Variants in ADK observed in about 807,000 individuals in gnomAD.
ADK encodes the protein adenosine kinase.
ADK carries 24 observed loss-of-function variants against 44.7 expected under a neutral mutation model. That is an observed-to-expected ratio of 0.54 (90% CI 0.39 to 0.76). The LOEUF is 0.76. ADK is among the 30% of genes least tolerant of loss of function. ADK has a pLI of 0.00. For synonymous variants in ADK, 128 were observed against 142.6 expected, an observed-to-expected ratio of 0.90 and a Z score of 0.73; for missense variants, 321 against 425.1, an observed-to-expected ratio of 0.76 and a Z score of 2.15.
intron 6 of ADK, among the ~76,000 whole-genome samples, chr10:74,474,870 G>A (rs1276847322): frequency 6.6e-6 from 1 of 152,194 alleles, no homozygotes; most frequent in East Asian, 1.9e-4. Context: ...GCTCACGCCT[G>A]TAATCCCAGC....
At chr10:74,565,053 C>A (rs1408367099) in intron 7 of ADK, among the ~76,000 whole-genome samples, 4 of 152,180 alleles carry the variant, frequency 2.6e-5, no homozygotes, top group African/African-American at 9.7e-5. Flanking sequence ...TTTCCCTATT[C>A]TGTGCCCAAA....
chr10:74,640,051 A>AG (rs1853785656), intron 9 of ADK, among the ~76,000 whole-genome samples: 1 of 152,246 alleles, frequency 6.6e-6, no homozygotes, highest in Non-Finnish European at 1.5e-5. Context: ...AGCATAGACT[A>AG]CTACTGGCTG....
At chr10:74,626,967 T>A (rs1200215401) in intron 9 of ADK, among the ~76,000 whole-genome samples, 1 of 152,228 alleles carries the variant, frequency 6.6e-6, no homozygotes, top group Non-Finnish European at 1.5e-5. Flanking sequence ...TTTCTTGTAG[T>A]AAGATTTATC....
chr10:74,360,263 A>C (rs978612379), intron 4 of ADK, among the ~76,000 whole-genome samples: 1 of 152,078 alleles, frequency 6.6e-6, no homozygotes, highest in African/African-American at 2.4e-5. Flanking sequence ...AAGAACACTG[A>C]TGTTTTTATA....
chr10:74,400,129 T>G (rs147376199), intron 6 of ADK, among the ~76,000 whole-genome samples: 2 of 152,280 alleles, frequency 1.3e-5, no homozygotes, highest in African/African-American at 4.8e-5. Context: ...TTGTACAGCA[T>G]AAAGTGATCA....
intron 10 of ADK, among the ~76,000 whole-genome samples, chr10:74,683,165 T>A (rs1451732294): frequency 7.2e-5 from 11 of 152,126 alleles, no homozygotes; most frequent in African/African-American, 2.2e-4. Flanking sequence ...GCTAGCCAAA[T>A]TGAAGTGGGA....
rs139454584 is a variant in ADK, at chr10:74,550,993, C to T, written c.726+25567C>T. The stretch of plus-strand genomic sequence containing the variant: ...GTTGGATCTACAGGGATGGCATGCA[C>T]CATCATACCCAGCTCTGAACTATTT... On this transcript the variant is annotated intron_variant, in intron 7 of 10. Transcript: ENST00000539909. Among the ~76,000 whole-genome samples the T allele has an allele frequency of 1.3e-3, 195 of 152,210 alleles. 1 individual carries two copies. The highest frequency in any genetic ancestry group is 4.4e-3 in the African/African-American group (183 of 41,526).
intron 10 of ADK, among the ~76,000 whole-genome samples, chr10:74,703,313 C>A (rs1564860961): frequency 6.6e-6 from 1 of 151,874 alleles, no homozygotes; most frequent in South Asian, 2.1e-4. Flanking sequence ...AAAACCCCAT[C>A]TACTAAAAGT....
At chr10:74,607,052 C>A (rs532477245) in intron 9 of ADK, among the ~76,000 whole-genome samples, 1 of 152,066 alleles carries the variant, frequency 6.6e-6, no homozygotes, top group African/African-American at 2.4e-5. Flanking sequence ...AGGATTACAA[C>A]CCCTGCTTTT....
chr10:74,446,837 A>G (rs534349412), intron 6 of ADK, among the ~76,000 whole-genome samples: 9 of 152,124 alleles, frequency 5.9e-5, no homozygotes, highest in Non-Finnish European at 1.0e-4. Context: ...TTAAAATCCA[A>G]AATATATTAT....
intron 9 of ADK, among the ~76,000 whole-genome samples, chr10:74,637,236 T>A (rs1853650185): frequency 6.6e-6 from 1 of 152,118 alleles, no homozygotes; most frequent in East Asian, 1.9e-4. Context: ...TATAAAATAA[T>A]CATCATAGGT....
chr10:74,229,226 C>T (rs1183131266), intron 3 of ADK, among the ~76,000 whole-genome samples: 2 of 152,082 alleles, frequency 1.3e-5, no homozygotes, highest in East Asian at 3.9e-4. Flanking sequence ...AGGCATGAAC[C>T]TTCAAGGGTA....
chr10:74,162,560 T>A (rs1841935408), intron 1 of ADK, among the ~76,000 whole-genome samples: 1 of 146,248 alleles, frequency 6.8e-6, no homozygotes, highest in Non-Finnish European at 1.5e-5. Flanking sequence ...TGTGTGTGTG[T>A]GTGAGACAGA....
At chr10:74,306,450 G>A (rs942746361) in intron 3 of ADK, among the ~76,000 whole-genome samples, 10 of 152,126 alleles carry the variant, frequency 6.6e-5, no homozygotes, top group Admixed American at 3.3e-4. Context: ...CATACTTCCT[G>A]TGACTGTAAC....
chr10:74,660,102 T>C (rs1854645437), intron 9 of ADK, among the ~76,000 whole-genome samples: 1 of 152,208 alleles, frequency 6.6e-6, no homozygotes, highest in Non-Finnish European at 1.5e-5. Context: ...AAAAATCCTG[T>C]AAGTACCTGC....
intron 4 of ADK, among the ~76,000 whole-genome samples, chr10:74,342,927 AGTT>A (rs1471589148): frequency 6.6e-6 from 1 of 152,108 alleles, no homozygotes; most frequent in Non-Finnish European, 1.5e-5. Flanking sequence ...CTGTGACTAT[AGTT>A]GTGTTTCCTT....
intron 4 of ADK, among the ~76,000 whole-genome samples, chr10:74,323,720 G>A (rs996207944): frequency 2.3e-4 from 35 of 151,794 alleles, no homozygotes; most frequent in Non-Finnish European, 5.9e-5. Flanking sequence ...ACAGGCACCC[G>A]CCACTGCACC....
chr10:74,542,983 T>G (rs1457669476), intron 7 of ADK, among the ~76,000 whole-genome samples: 1 of 151,678 alleles, frequency 6.6e-6, no homozygotes, highest in Non-Finnish European at 1.5e-5. Flanking sequence ...TCACAGCAAC[T>G]TCCACTTCCC....
chr10:74,356,444 G>A lies in ADK; in HGVS notation c.274-37697G>A, dbSNP rs192501727. On this transcript the variant is annotated intron_variant, in intron 4 of 10. Coordinates refer to ENST00000539909, the MANE Select transcript of ADK (RefSeq NM_006721.4). ...CACACTCTGCAGCATTAAAATCACC[G>A]TGAAATAGATTAATTAGAATAAATG... Among the ~76,000 whole-genome samples, 506 of 152,208 alleles carry A rather than the reference G, an allele frequency of 3.3e-3. 1 individual carries two copies. Among genetic ancestry groups the A allele is most frequent in the African/African-American group, 0.011 (467 of 41,536 alleles).
Sources: gnomAD v4.1 joint callset for allele counts (sites outside exome capture counted in the v4.1 genomes callset) on GRCh38, gnomAD v4.1.1 for gene constraint, MANE v1.5 for transcripts, NCBI Gene and HGNC (gene_info 2026-07-23, HGNC 2026-07-21) for gene names.